KLRG1: variants seen among roughly 807,000 people sequenced by gnomAD.
KLRG1 encodes the protein killer cell lectin like receptor G1, also known as killer cell lectin-like receptor subfamily G member 1.
KLRG1 carries 16 observed loss-of-function variants against 21.8 expected under a neutral mutation model. The ratio of observed to expected loss-of-function variants is 0.73; its 90% CI spans 0.50 to 1.11. The LOEUF (loss-of-function observed/expected upper bound fraction) is 1.11, where lower values mean the gene tolerates loss of function less well. Among genes scored for constraint, KLRG1 ranks in the 50% most tolerant of loss-of-function variants. The pLI is 0.00. For missense variants in KLRG1, 173 were observed against 218.3 expected (o/e 0.79, Z 1.31); for synonymous variants, 69 against 75.9 (o/e 0.91, Z 0.47).
chr12:9,181,757 A>G, the KLRG1 span, among the ~76,000 whole-genome samples: 1 of 152,194 alleles, frequency 6.6e-6, no homozygotes, highest in Admixed American at 6.5e-5. Context: ...GAAGAGCATC[A>G]TGAACACAAA....
chr12:9,187,096 CAA>C, the KLRG1 span, among the ~76,000 whole-genome samples: 1 of 120,668 alleles, frequency 8.3e-6, no homozygotes, highest in Non-Finnish European at 1.8e-5. Context: ...AAAAAAAAGA[CAA>C]GAGAATTGCA....
the KLRG1 span, among the ~76,000 whole-genome samples, chr12:9,070,003 G>A: frequency 3.9e-5 from 6 of 152,144 alleles, no homozygotes; most frequent in Non-Finnish European, 5.9e-5. Context: ...TATAACACAC[G>A]ACTAATGTGT....
chr12:9,149,387 T>G, the KLRG1 span, among the ~76,000 whole-genome samples: 2 of 152,330 alleles, frequency 1.3e-5, no homozygotes, highest in South Asian at 4.1e-4. Flanking sequence ...TATCTGAAAT[T>G]GGAGAGTCCG....
At chr12:9,181,980 T>C in the KLRG1 span, 2 of 1,613,648 alleles carry the variant, frequency 1.2e-6, no homozygotes, top group Non-Finnish European at 1.7e-6. Context: ...CTCACCTTGT[T>C]GGCTAGACAG....
chr12:9,192,497 T>C, the KLRG1 span: 2,573 of 1,601,128 alleles, frequency 1.6e-3, 6 homozygotes, highest in Middle Eastern at 9.5e-3. Flanking sequence ...TTGTATTCCA[T>C]GGCCTCATTC....
At chr12:9,116,979 T>TA in the KLRG1 span, among the ~76,000 whole-genome samples, 1 of 152,056 alleles carries the variant, frequency 6.6e-6, no homozygotes, top group Admixed American at 6.5e-5. Context: ...TGGGAGCACA[T>TA]AAGAGAGCAC....
the KLRG1 span, chr12:9,079,453 G>A: frequency 3.8e-5 from 44 of 1,168,820 alleles, no homozygotes; most frequent in South Asian, 5.6e-4. Flanking sequence ...CATAGATTAG[G>A]AGTTTCTGAG....
At chr12:8,975,860 C>T (rs1946649969) in intron 1 of KLRG1, among the ~76,000 whole-genome samples, 2 of 151,444 alleles carry the variant, frequency 1.3e-5, no homozygotes, top group South Asian at 4.2e-4. Context: ...CTGGGCCCAG[C>T]TTTTTTTTTC....
At chr12:9,029,966 C>T in the KLRG1 span, among the ~76,000 whole-genome samples, 13,195 of 152,162 alleles carry the variant, frequency 0.087, 935 homozygotes, top group African/African-American at 0.19. Flanking sequence ...ATTGGCCAGG[C>T]TGATCTTGAA....
chr12:9,048,956 G>A, the KLRG1 span, among the ~76,000 whole-genome samples: 1 of 152,214 alleles, frequency 6.6e-6, no homozygotes, highest in African/African-American at 2.4e-5. Context: ...TTGAACCTTT[G>A]GGGCAGGGTT....
chr12:9,163,235 G>A, the KLRG1 span, among the ~76,000 whole-genome samples: 3 of 150,320 alleles, frequency 2.0e-5, no homozygotes, highest in Non-Finnish European at 4.4e-5. Context: ...GGAGGATCAC[G>A]AGGTCAGGAG....
the KLRG1 span, among the ~76,000 whole-genome samples, chr12:9,031,706 AG>A: frequency 6.6e-5 from 10 of 152,238 alleles, no homozygotes; most frequent in Non-Finnish European, 1.2e-4. Context: ...TATATATTTC[AG>A]GGAGTCATGA....
At chr12:9,074,136 GT>G in the KLRG1 span, among the ~76,000 whole-genome samples, 1 of 150,624 alleles carries the variant, frequency 6.6e-6, no homozygotes, top group East Asian at 1.9e-4. Flanking sequence ...AAAATGTGTA[GT>G]TTTGAGAAAA....
intron 1 of KLRG1, among the ~76,000 whole-genome samples, chr12:8,982,795 G>A (rs940047088): frequency 6.6e-6 from 1 of 151,964 alleles, no homozygotes; most frequent in Non-Finnish European, 1.5e-5. Context: ...ACAGGCACCT[G>A]CCACCACGCC....
chr12:8,984,157 A>T (rs1334166608), intron 1 of KLRG1, among the ~76,000 whole-genome samples: 1 of 151,568 alleles, frequency 6.6e-6, no homozygotes, highest in East Asian at 1.9e-4. Flanking sequence ...ATGTTTACTG[A>T]CCTTTTTATC....
At chr12:9,171,252 G>A in the KLRG1 span, among the ~76,000 whole-genome samples, 3 of 152,132 alleles carry the variant, frequency 2.0e-5, no homozygotes, top group Non-Finnish European at 4.4e-5. Flanking sequence ...GCAAACCTCA[G>A]CAGCCCTATG....
the KLRG1 span, among the ~76,000 whole-genome samples, chr12:9,081,727 G>C: frequency 6.6e-6 from 1 of 152,146 alleles, no homozygotes; most frequent in South Asian, 2.1e-4. Context: ...GAGAACCAGG[G>C]GTAGACATCA....
the KLRG1 span, among the ~76,000 whole-genome samples, chr12:9,152,643 C>T: frequency 3.3e-5 from 5 of 152,140 alleles, no homozygotes; most frequent in Non-Finnish European, 5.9e-5. Flanking sequence ...GTATATATTA[C>T]TTTTATATTT....
chr12:9,207,452 G>A, the KLRG1 span, among the ~76,000 whole-genome samples: 1 of 152,210 alleles, frequency 6.6e-6, no homozygotes, highest in African/African-American at 2.4e-5. Flanking sequence ...CTGCATCACA[G>A]GCTGTGTTGA....
Sources: gnomAD v4.1 joint callset for allele counts (sites outside exome capture counted in the v4.1 genomes callset) on GRCh38, gnomAD v4.1.1 for gene constraint, MANE v1.5 for transcripts, NCBI Gene and HGNC (gene_info 2026-07-23, HGNC 2026-07-21) for gene names.